MAP7: variants seen among roughly 807,000 people sequenced by gnomAD.
MAP7 encodes microtubule associated protein 7.
MAP7 carries 52 observed loss-of-function variants against 94.8 expected under a neutral mutation model. The ratio of observed to expected loss-of-function variants is 0.55; its 90% confidence interval spans 0.44 to 0.69. The LOEUF is 0.69. Ranked by LOEUF, MAP7 falls within the 30% of genes least tolerant of loss-of-function variation. MAP7 has a pLI of 0.00. For missense variants in MAP7, 940 were observed against 964.6 expected, an observed-to-expected ratio of 0.97 and a Z score of 0.34; for synonymous variants, 350 against 357.0, an observed-to-expected ratio of 0.98 and a Z score of 0.22.
intron 1 of MAP7, among the ~76,000 whole-genome samples, chr6:136,515,482 T>C (rs1824533608): frequency 1.3e-5 from 2 of 152,226 alleles, no homozygotes; most frequent in African/African-American, 4.8e-5. Flanking sequence ...CTTCCCTCAC[T>C]AGGCTTAATC....
intron 1 of MAP7, among the ~76,000 whole-genome samples, chr6:136,498,416 G>A (rs1339849899): frequency 2.0e-5 from 3 of 152,066 alleles, no homozygotes; most frequent in Non-Finnish European, 2.9e-5. Context: ...GAGATGAAAG[G>A]AGAAACAGTC....
intron 2 of MAP7, among the ~76,000 whole-genome samples, chr6:136,415,710 C>T (rs529581852): frequency 5.3e-5 from 8 of 152,298 alleles, no homozygotes; most frequent in African/African-American, 1.9e-4. Flanking sequence ...AAACTGCGTC[C>T]TGTTTGGTAA....
At chr6:136,413,999 C>T (rs1450094376) in intron 2 of MAP7, among the ~76,000 whole-genome samples, 3 of 151,852 alleles carry the variant, frequency 2.0e-5, no homozygotes, top group Admixed American at 2.0e-4. Context: ...CCTGTAATCC[C>T]AGCACTTTGG....
At chr6:136,385,147 C>A (rs984121998) in intron 5 of MAP7, among the ~76,000 whole-genome samples, 1 of 152,148 alleles carries the variant, frequency 6.6e-6, no homozygotes, top group Admixed American at 6.5e-5. Context: ...TTGCTGCAAA[C>A]TTTTCCCTGT....
chr6:136,408,218 G>T (rs1178715359), intron 3 of MAP7, among the ~76,000 whole-genome samples: 1 of 152,136 alleles, frequency 6.6e-6, no homozygotes, highest in Non-Finnish European at 1.5e-5. Flanking sequence ...ACTTTTCTAC[G>T]TATAAAGCGT....
intron 1 of MAP7, among the ~76,000 whole-genome samples, chr6:136,458,055 T>C (rs1400152242): frequency 2.0e-5 from 3 of 152,156 alleles, no homozygotes; most frequent in African/African-American, 7.2e-5. Context: ...ACAGAAAAAC[T>C]GTTAGGACTA....
intron 1 of MAP7, among the ~76,000 whole-genome samples, chr6:136,519,696 G>GT (rs1423200040): frequency 6.6e-6 from 1 of 152,148 alleles, no homozygotes; most frequent in Non-Finnish European, 1.5e-5. Context: ...TTTTAACAAA[G>GT]TGGGGGCGGG....
intron 15 of MAP7, among the ~76,000 whole-genome samples, 154 bp downstream of exon 15, chr6:136,359,666 G>C (rs867054274): frequency 6.6e-5 from 10 of 152,152 alleles, no homozygotes; most frequent in Admixed American, 1.3e-4. Flanking sequence ...TTACATAAGA[G>C]GAAGGAAGGA....
chr6:136,499,284 T>C (rs181107516), intron 1 of MAP7, among the ~76,000 whole-genome samples: 1 of 152,192 alleles, frequency 6.6e-6, no homozygotes, highest in East Asian at 1.9e-4. Context: ...ACTTTTTCAC[T>C]TCCAAGGAGA....
At chr6:136,469,507 G>A (rs571237545) in intron 1 of MAP7, among the ~76,000 whole-genome samples, 25 of 152,138 alleles carry the variant, frequency 1.6e-4, no homozygotes, top group Admixed American at 2.6e-4. Context: ...TCAGCCTCTC[G>A]AGTAGCTGGG....
At chr6:136,495,453 T>TACACACACACAC (rs55923280) in intron 1 of MAP7, among the ~76,000 whole-genome samples, 1 of 142,932 alleles carries the variant, frequency 7.0e-6, no homozygotes, top group East Asian at 2.0e-4. Context: ...AGTGTGAGAA[T>TACACACACACAC]ACACACACAC....
At chr6:136,404,126 C>T (rs534584847) in intron 3 of MAP7, among the ~76,000 whole-genome samples, 3 of 152,020 alleles carry the variant, frequency 2.0e-5, no homozygotes, top group Non-Finnish European at 4.4e-5. Context: ...AATCAAATAA[C>T]GTGAAGTATG....
chr6:136,389,612 T>C (rs1453798395), intron 3 of MAP7, 95 bp from the exon 4 acceptor site: 3 of 1,091,804 alleles, frequency 2.7e-6, no homozygotes, highest in Non-Finnish European at 4.0e-6. Flanking sequence ...TGGTCTACAA[T>C]GAACAAATAT....
chr6:136,524,083 T>C (rs1408557002), intron 1 of MAP7, among the ~76,000 whole-genome samples: 1 of 150,932 alleles, frequency 6.6e-6, no homozygotes, highest in Non-Finnish European at 1.5e-5. Context: ...CTACTAAAAA[T>C]ACAAAAAAAA....
In MAP7 at chr6:136,345,868, G is replaced by A. The variant is rs1787549199; in HGVS notation, c.2227C>T (p.Gln743Ter). 4 of 1,613,972 alleles carry A rather than the reference G, an allele frequency of 2.5e-6. No individual in the cohort carries two copies. Among genetic ancestry groups the A allele is most frequent in the Non-Finnish European group, 3.4e-6 (4 of 1,179,932 alleles). ...PLPQVDGVQT[Q>*]QTAEVI ...GAGGCAAGCTTACCTGCAGTCTGCT[G>A]TGTCTGAACACCATCTACCTGAGGC... The change falls in exon 17 of 18, where the codon CAG becomes TAG. Residue 743 changes from glutamine (Q) to a stop codon, truncating the protein, a stop_gained. Coordinates refer to ENST00000354570, the MANE Select transcript of MAP7 (RefSeq NM_003980.6). LOFTEE classifies it high-confidence loss of function.
chr6:136,542,502 G>A (rs1829406279), intron 1 of MAP7, among the ~76,000 whole-genome samples: 1 of 152,168 alleles, frequency 6.6e-6, no homozygotes, highest in African/African-American at 2.4e-5. Flanking sequence ...TGAACAATAT[G>A]TCTAGCTTTC....
chr6:136,407,776 G>A (rs1303837148), intron 3 of MAP7, among the ~76,000 whole-genome samples: 1 of 152,162 alleles, frequency 6.6e-6, no homozygotes, highest in Non-Finnish European at 1.5e-5. Flanking sequence ...AAGGAAGGGA[G>A]AATGTTTTAT....
At chr6:136,421,141 A>G (rs1470978338) in intron 2 of MAP7, among the ~76,000 whole-genome samples, 1 of 152,234 alleles carries the variant, frequency 6.6e-6, no homozygotes, top group Non-Finnish European at 1.5e-5. Flanking sequence ...GTATCACTGA[A>G]TGAAAGAGAC....
intron 1 of MAP7, among the ~76,000 whole-genome samples, chr6:136,546,131 G>A (rs556612459): frequency 3.2e-4 from 49 of 152,216 alleles, no homozygotes; most frequent in African/African-American, 1.1e-3. Context: ...TTCTGCCTCA[G>A]CCTCCCAAAG....
Sources: gnomAD v4.1 joint callset for allele counts (sites outside exome capture counted in the v4.1 genomes callset) on GRCh38, gnomAD v4.1.1 for gene constraint, MANE v1.5 for transcripts, NCBI Gene and HGNC (gene_info 2026-07-23, HGNC 2026-07-21) for gene names.